MTREX: variants seen among roughly 807,000 people sequenced by gnomAD.
The protein encoded by MTREX is Mtr4 exosome RNA helicase.
Under a neutral mutation model 135.4 loss-of-function variants are expected in MTREX, and 76 were observed. That is an observed-to-expected ratio of 0.56 (90% CI 0.47 to 0.68). MTREX has a LOEUF of 0.68. Among genes scored for constraint, MTREX ranks in the 30% least tolerant of loss-of-function variants. The pLI is 0.00. For missense variants in MTREX, 920 were observed against 1,262.1 expected, an observed-to-expected ratio of 0.73 and a Z score of 4.11; for synonymous variants, 404 against 401.6, an observed-to-expected ratio of 1.01 and a Z score of -0.07.
chr5:55,324,490 C>T (rs1018338580), intron 3 of MTREX: 69 of 130,170 alleles, frequency 5.3e-4, no homozygotes, highest in Middle Eastern at 4.8e-3. Context: ...TGTTGTCGAC[C>T]AGGCTGGAGT....
intron 1 of MTREX, among the ~76,000 whole-genome samples, chr5:55,312,132 T>G (rs1749123376): frequency 1.3e-5 from 2 of 152,230 alleles, no homozygotes; most frequent in Admixed American, 1.3e-4. Context: ...CACTAGTACT[T>G]GCACAGTGGC....
At chr5:55,361,936 A>T (rs1308258902) in intron 15 of MTREX, among the ~76,000 whole-genome samples, 2 of 133,112 alleles carry the variant, frequency 1.5e-5, no homozygotes, top group African/African-American at 3.0e-5. Flanking sequence ...TTGTTTTTGG[A>T]GACAAGGTCT....
intron 22 of MTREX, among the ~76,000 whole-genome samples, chr5:55,407,899 G>C (rs1027691651): frequency 6.6e-6 from 1 of 152,070 alleles, no homozygotes; most frequent in African/African-American, 2.4e-5. Flanking sequence ...GACTGTAAGT[G>C]TGTGCCATCA....
chr5:55,397,370 A>T (rs770355632), intron 19 of MTREX, 46 bp from the exon 20 acceptor site: 1 of 1,235,692 alleles, frequency 8.1e-7, no homozygotes, highest in Non-Finnish European at 1.2e-6. Flanking sequence ...TAGAATATGA[A>T]CATGTGCAAA....
rs551116965 is a variant in MTREX, at chr5:55,413,478, A to G, written c.2752-704A>G. On this transcript the variant is annotated intron_variant, in intron 23 of 26. Transcript: ENST00000230640. ...ACAAATAATGTCTGTTATTCTCATC[A>G]TAAGCCTACTCATTTTGAGGATCTG... 4.5e-4 allele frequency among the ~76,000 whole-genome samples: 68 copies of G among 152,254 alleles called. 1 individual carries two copies. The highest frequency in any genetic ancestry group is 2.5e-3 in the South Asian group (12 of 4,830).
Position 55,344,626 on chromosome 5 carries a change from A to T in MTREX, c.1005+6A>T. The T allele has an allele frequency of 6.6e-7, 1 of 1,518,934 alleles. No individual in the cohort carries two copies. Among genetic ancestry groups the T allele is most frequent in the East Asian group, 2.3e-5 (1 of 44,188 alleles). The allele number at this position is 1,518,934 out of a possible 1,614,324, so 94.1% of individuals were successfully genotyped here. On this transcript the variant is annotated splice_donor_region_variant and intron_variant, in intron 9 of 26. Coordinates refer to ENST00000230640, the MANE Select transcript of MTREX (RefSeq NM_015360.5). ...ATCTTGTGGTTGATGAAAATGTAAG[A>T]GAGTAATTGTCCTTTTTAAATCTAT...
At chr5:55,322,085 G>A (rs1749298390) in intron 1 of MTREX, among the ~76,000 whole-genome samples, 1 of 152,120 alleles carries the variant, frequency 6.6e-6, no homozygotes, top group Non-Finnish European at 1.5e-5. Flanking sequence ...TAATAGTTAT[G>A]TTAATGTGAA....
rs1057494202 is a variant in MTREX, at chr5:55,328,755, T to G, written c.459T>G (p.Asn153Lys). 6 of 1,613,536 alleles carry G rather than the reference T, an allele frequency of 3.7e-6. No homozygotes were observed. The highest frequency in any genetic ancestry group is 5.1e-6 in the Non-Finnish European group (6 of 1,179,682). Reference protein sequence around the residue: ...FQREAIQCVDNNQSVLVSAHT... With the variant: ...FQREAIQCVDKNQSVLVSAHT... ...GAGAGGCCATTCAGTGTGTTGACAA[T>G]AATCAGTCTGTTCTAGTATCTGCAC... Residue 153 changes from asparagine (N) to lysine (K), a missense_variant, in exon 5 of 27, where the codon AAT becomes AAG. By Grantham distance (94) the Asn-to-Lys change is moderately conservative. This residue lies in a region of MTREX where 82 missense variants were observed against 107.4 expected (regional missense o/e 0.76). Transcript: ENST00000230640.
intron 19 of MTREX, among the ~76,000 whole-genome samples, chr5:55,395,035 A>C (rs1442962947): frequency 6.6e-6 from 1 of 151,726 alleles, no homozygotes; most frequent in Non-Finnish European, 1.5e-5. Flanking sequence ...TCCATCTCAA[A>C]AAAAAAAAAG....
At chr5:55,395,039 A>G (rs1366426702) in intron 19 of MTREX, among the ~76,000 whole-genome samples, 2 of 150,266 alleles carry the variant, frequency 1.3e-5, no homozygotes, top group Admixed American at 1.3e-4. Context: ...TCTCAAAAAA[A>G]AAAAAGATAG....
intron 19 of MTREX, among the ~76,000 whole-genome samples, chr5:55,393,423 A>C (rs1393484423): frequency 1.3e-5 from 2 of 152,242 alleles, no homozygotes; most frequent in African/African-American, 4.8e-5. Flanking sequence ...TGTGTGTGCC[A>C]TGACTTGATT....
intron 25 of MTREX, among the ~76,000 whole-genome samples, chr5:55,418,734 T>C (rs1579905674): frequency 6.6e-6 from 1 of 152,304 alleles, no homozygotes; most frequent in Non-Finnish European, 1.5e-5. Context: ...TAGCAAAAAA[T>C]GAGAACCTTC....
At chr5:55,366,085 G>A (rs1750099643) in intron 15 of MTREX, among the ~76,000 whole-genome samples, 1 of 151,834 alleles carries the variant, frequency 6.6e-6, no homozygotes, top group African/African-American at 2.4e-5. Flanking sequence ...AGTTTAGGTT[G>A]CATTATTCTA....
intron 16 of MTREX, among the ~76,000 whole-genome samples, chr5:55,368,426 G>A (rs1014092583): frequency 6.6e-6 from 1 of 151,960 alleles, no homozygotes; most frequent in Non-Finnish European, 1.5e-5. Flanking sequence ...CTTCAGCCTG[G>A]GTGACAGAGC....
intron 3 of MTREX, 151 bp from the exon 4 acceptor site, chr5:55,327,565 G>C (rs1263100520): frequency 1.7e-6 from 1 of 590,422 alleles, no homozygotes; most frequent in East Asian, 2.8e-5. Context: ...CTTAAAGACA[G>C]TTATTTGATT....
intron 5 of MTREX, among the ~76,000 whole-genome samples, chr5:55,334,052 C>T (rs1053745306): frequency 3.3e-5 from 5 of 152,004 alleles, no homozygotes; most frequent in Non-Finnish European, 5.9e-5. Context: ...AAACATTATG[C>T]GTACTAAAAG....
rs1453927410 is a variant in MTREX, at chr5:55,378,448, T to C, written c.1945T>C (p.Tyr649His). The C allele has an allele frequency of 2.5e-6, 4 of 1,611,200 alleles. No individual in the cohort carries two copies. Among genetic ancestry groups the C allele is most frequent in the South Asian group, 1.1e-5 (1 of 90,102 alleles). ...EIEEYIHKPK[Y>H]CLPFLQPGRL... ...TGAAGAATATATTCACAAACCAAAATACTGCTTACCTTTTCTACAACCAGG... is the reference window on the plus strand; with the variant it reads ...TGAAGAATATATTCACAAACCAAAACACTGCTTACCTTTTCTACAACCAGG... Residue 649 changes from tyrosine (Y) to histidine (H), a missense_variant, in exon 17 of 27, where the codon TAC (tyrosine) becomes CAC (histidine). This residue lies in a region of MTREX where 467 missense variants were observed against 589.7 expected (regional missense o/e 0.79). Coordinates refer to ENST00000230640, the MANE Select transcript of MTREX (RefSeq NM_015360.5).
At chr5:55,316,317 G>A (rs557830006) in intron 1 of MTREX, among the ~76,000 whole-genome samples, 85 of 152,024 alleles carry the variant, frequency 5.6e-4, no homozygotes, top group African/African-American at 2.0e-3. Context: ...ATCAAAAATG[G>A]GCAGAGACAC....
chr5:55,328,775 C>A lies in MTREX; in HGVS notation c.479C>A (p.Ser160Tyr). 1.2e-6 allele frequency: 2 copies of A among 1,612,164 alleles called. No homozygotes were observed. Among genetic ancestry groups the A allele is most frequent in the South Asian group, 1.1e-5 (1 of 90,890 alleles). The part of the protein sequence containing the change: ...CVDNNQSVLV[S>Y]AHTSAGKTVC... ...GACAATAATCAGTCTGTTCTAGTAT[C>A]TGCACATACCTCAGCGGGAAAAACA... Residue 160 changes from serine to tyrosine, a missense_variant, in exon 5 of 27, where the codon TCT (serine) becomes TAT (tyrosine). Physicochemically the swap from Ser to Tyr is moderately radical, Grantham distance 144 (BLOSUM62 -2). Transcript: ENST00000230640.
Sources: gnomAD v4.1 joint callset for allele counts (sites outside exome capture counted in the v4.1 genomes callset) on GRCh38, gnomAD v4.1.1 for gene constraint, gnomAD v4.1.1 regional missense constraint, MANE v1.5 for transcripts, NCBI Gene and HGNC (gene_info 2026-07-23, HGNC 2026-07-21) for gene names.